The following AGBL4 variants were observed in gnomAD, a reference collection of about 807,000 sequenced individuals.
AGBL4 encodes AGBL carboxypeptidase 4, also known as cytosolic carboxypeptidase 6.
A neutral mutation model predicts 66.4 loss-of-function variants in AGBL4; 58 were observed. The observed-to-expected ratio is 0.87, with a 90% confidence interval of 0.71 to 1.09. The LOEUF (loss-of-function observed/expected upper bound fraction) is 1.09, where lower values mean the gene tolerates loss of function less well. Ranked by LOEUF, AGBL4 falls within the 50% of genes least tolerant of loss-of-function variation. The pLI is 0.00. For synonymous variants in AGBL4, 234 were observed against 222.9 expected, an observed-to-expected ratio of 1.05 and a Z score of -0.44; for missense variants, 579 against 631.0, an observed-to-expected ratio of 0.92 and a Z score of 0.88.
intron 5 of AGBL4, among the ~76,000 whole-genome samples, chr1:48,939,594 T>C (rs1655781390): frequency 1.3e-5 from 2 of 152,208 alleles, no homozygotes; most frequent in Non-Finnish European, 2.9e-5. Context: ...GGTTAAAGGC[T>C]GGACATTGCC....
chr1:49,832,696 G>C (rs1645725633), intron 2 of AGBL4, among the ~76,000 whole-genome samples: 1 of 151,790 alleles, frequency 6.6e-6, no homozygotes, highest in South Asian at 2.1e-4. Flanking sequence ...ATTCTAACTG[G>C]TGTGAGATGG....
intron 6 of AGBL4, chr1:48,727,393 T>C (rs1373612807): frequency 1.3e-5 from 2 of 152,162 alleles, no homozygotes; most frequent in African/African-American, 4.8e-5. Flanking sequence ...CCACATCTCT[T>C]AGGAATTTTC....
chr1:48,695,421 C>G (rs941429377), intron 6 of AGBL4, among the ~76,000 whole-genome samples: 1 of 152,230 alleles, frequency 6.6e-6, no homozygotes, highest in African/African-American at 2.4e-5. Context: ...CGCTTTAGCC[C>G]TAATTTCAGT....
At chr1:49,411,902 T>G (rs1570653524) in intron 3 of AGBL4, among the ~76,000 whole-genome samples, 1 of 152,142 alleles carries the variant, frequency 6.6e-6, no homozygotes, top group East Asian at 1.9e-4. Flanking sequence ...CCTGTGAAAG[T>G]AAGTAGATTT....
At chr1:49,264,165 T>C (rs968529915) in intron 3 of AGBL4, among the ~76,000 whole-genome samples, 7 of 152,042 alleles carry the variant, frequency 4.6e-5, no homozygotes, top group African/African-American at 1.7e-4. Flanking sequence ...GAGAGGATGT[T>C]AGGTATATCC....
At chr1:49,485,688 G>A (rs1286457849) in intron 3 of AGBL4, among the ~76,000 whole-genome samples, 1 of 151,504 alleles carries the variant, frequency 6.6e-6, no homozygotes, top group Admixed American at 6.6e-5. Context: ...AGTATTGGAG[G>A]TGATTATGTT....
intron 3 of AGBL4, among the ~76,000 whole-genome samples, chr1:49,403,252 T>G (rs966419229): frequency 6.6e-6 from 1 of 152,220 alleles, no homozygotes; most frequent in African/African-American, 2.4e-5. Flanking sequence ...TTGTTGCCTC[T>G]TATCTTTTTC....
chr1:49,285,890 C>T (rs981737933), intron 3 of AGBL4, among the ~76,000 whole-genome samples: 3 of 152,152 alleles, frequency 2.0e-5, no homozygotes, highest in Admixed American at 6.5e-5. Flanking sequence ...GATACCAAAG[C>T]CGGGCAGAGA....
Position 48,534,145 on chromosome 1 carries a change from C to T in AGBL4, c.*28G>A. 6.4e-7 allele frequency: 1 copy of T among 1,551,340 alleles called. No homozygotes were observed. The highest frequency in any genetic ancestry group is 8.7e-7 in the Non-Finnish European group (1 of 1,146,778). On this transcript the variant is annotated 3_prime_UTR_variant, in exon 14 of 14. Transcript: ENST00000371839. Reference sequence around the variant, plus strand: ...CAGCAGAAAATGCATGCTCCTGTCCCCATAAGACCTCCCAGGACTCCGTGT... The same window carrying T: ...CAGCAGAAAATGCATGCTCCTGTCCTCATAAGACCTCCCAGGACTCCGTGT...
intron 3 of AGBL4, among the ~76,000 whole-genome samples, chr1:49,301,515 G>A (rs946140588): frequency 2.6e-5 from 4 of 152,178 alleles, no homozygotes; most frequent in African/African-American, 9.6e-5. Context: ...TTTGGGGACT[G>A]AAACTGCCTT....
chr1:48,902,517 G>A (rs1361890036), intron 5 of AGBL4, among the ~76,000 whole-genome samples: 1 of 152,168 alleles, frequency 6.6e-6, no homozygotes, highest in African/African-American at 2.4e-5. Flanking sequence ...TGGTGGATTG[G>A]AAAGAGAGGA....
chr1:49,259,058 G>C lies in AGBL4; in HGVS notation c.283-13194C>G, dbSNP rs576774188. ...AGAATTTCATATCCAGCCAAACTAA[G>C]ATCCATAAGTGAAGGAGAAATAAAA... On this transcript the variant is annotated intron_variant, in intron 3 of 13. Coordinates refer to ENST00000371839, the MANE Select transcript of AGBL4 (RefSeq NM_032785.4). 2.6e-5 allele frequency among the ~76,000 whole-genome samples: 4 copies of C among 152,090 alleles called. No individual in the cohort carries two copies. The East Asian group carries it at 7.7e-4, about 29-fold the overall frequency.
At chr1:48,711,099 C>T (rs994481268) in intron 6 of AGBL4, among the ~76,000 whole-genome samples, 3 of 152,108 alleles carry the variant, frequency 2.0e-5, no homozygotes, top group African/African-American at 2.4e-5. Context: ...AGGGCCTGAC[C>T]GCAGGTGATC....
chr1:49,576,121 G>T (rs1644431910), intron 3 of AGBL4, among the ~76,000 whole-genome samples: 1 of 152,330 alleles, frequency 6.6e-6, no homozygotes, highest in African/African-American at 2.4e-5. Context: ...TGAATGATAA[G>T]TTGCTGCATT....
intron 5 of AGBL4, among the ~76,000 whole-genome samples, chr1:49,006,687 G>A (rs911968533): frequency 4.3e-4 from 65 of 151,716 alleles, no homozygotes; most frequent in Admixed American, 3.2e-3. Context: ...TCTGAGAACG[G>A]GCAGACTGCC....
At chr1:49,776,346 T>C (rs1388444376) in intron 2 of AGBL4, among the ~76,000 whole-genome samples, 1 of 152,160 alleles carries the variant, frequency 6.6e-6, no homozygotes, top group African/African-American at 2.4e-5. Context: ...TTTCTAGCAG[T>C]AGCCAGAAAT....
intron 5 of AGBL4, among the ~76,000 whole-genome samples, chr1:48,968,395 C>A (rs1327953204): frequency 6.6e-6 from 1 of 152,054 alleles, no homozygotes; most frequent in East Asian, 1.9e-4. Flanking sequence ...TTAAAAGGAG[C>A]AATCTGGTTT....
At chr1:49,783,366 G>A (rs143773578) in intron 2 of AGBL4, among the ~76,000 whole-genome samples, 1 of 152,208 alleles carries the variant, frequency 6.6e-6, no homozygotes, top group Non-Finnish European at 1.5e-5. Flanking sequence ...ATGCAAGGTT[G>A]TTTGAAAATA....
intron 3 of AGBL4, among the ~76,000 whole-genome samples, chr1:49,309,968 T>G (rs1233829614): frequency 1.3e-5 from 2 of 152,052 alleles, no homozygotes. Context: ...ACAGGTTTCT[T>G]TATTGAACTC....
Sources: gnomAD v4.1 joint callset for allele counts (sites outside exome capture counted in the v4.1 genomes callset) on GRCh38, gnomAD v4.1.1 for gene constraint, MANE v1.5 for transcripts, NCBI Gene and HGNC (gene_info 2026-07-23, HGNC 2026-07-21) for gene names.